Variants in REDIC1 observed in about 807,000 individuals in gnomAD.
REDIC1 encodes the protein regulator of DNA class I crossover intermediates 1, also known as HEI10 Interacting Protein 1.
the REDIC1 span, among the ~76,000 whole-genome samples, chr12:39,775,450 A>G: frequency 6.6e-6 from 1 of 152,228 alleles, no homozygotes; most frequent in African/African-American, 2.4e-5. Context: ...GTCATTGTGA[A>G]GTTAACAGGC....
the REDIC1 span, among the ~76,000 whole-genome samples, chr12:39,657,834 CTTTTAT>C: frequency 6.6e-6 from 1 of 151,806 alleles, no homozygotes; most frequent in East Asian, 1.9e-4. Flanking sequence ...TTTCACAAGT[CTTTTAT>C]TTTTATATTT....
At chr12:39,820,775 A>ATATC in the REDIC1 span, among the ~76,000 whole-genome samples, 1 of 50,378 alleles carries the variant, frequency 2.0e-5, no homozygotes, top group Admixed American at 2.3e-4. Flanking sequence ...ATATATATAT[A>ATATC]TAAAGCAACA....
chr12:39,650,296 GT>G, the REDIC1 span: 16 of 1,611,348 alleles, frequency 9.9e-6, no homozygotes, highest in Non-Finnish European at 1.4e-5. This position sits in a 1 kb window ranked among gnomAD's most constrained non-coding sequence, Gnocchi z 4.3. Context: ...AAGTCAAGAT[GT>G]TTTCAGTCCA....
the REDIC1 span, among the ~76,000 whole-genome samples, chr12:39,824,415 C>G: frequency 9.2e-5 from 14 of 152,198 alleles, no homozygotes; most frequent in African/African-American, 3.1e-4. Flanking sequence ...GGTCAGATGA[C>G]CACCCATCCA....
At chr12:39,836,265 C>T in the REDIC1 span, among the ~76,000 whole-genome samples, 1 of 152,134 alleles carries the variant, frequency 6.6e-6, no homozygotes, top group Non-Finnish European at 1.5e-5. Context: ...GATGTGAGTG[C>T]TGGGGGAACT....
At chr12:39,859,315 AGTT>A in the REDIC1 span, among the ~76,000 whole-genome samples, 1 of 72,108 alleles carries the variant, frequency 1.4e-5, no homozygotes, top group African/African-American at 6.2e-5. Context: ...GAAAGCTGGC[AGTT>A]TTTTTTTTTT....
chr12:39,806,841 GTTAA>G, the REDIC1 span, among the ~76,000 whole-genome samples: 1 of 152,072 alleles, frequency 6.6e-6, no homozygotes, highest in Non-Finnish European at 1.5e-5. Flanking sequence ...CTTTAAGAGG[GTTAA>G]TTGTTAAGAA....
chr12:39,645,490 C>T, the REDIC1 span, among the ~76,000 whole-genome samples: 3 of 152,040 alleles, frequency 2.0e-5, no homozygotes, highest in Admixed American at 2.0e-4. Flanking sequence ...TAACTTTATT[C>T]TCTCAGACTG....
At chr12:39,799,679 C>A in the REDIC1 span, among the ~76,000 whole-genome samples, 1 of 152,116 alleles carries the variant, frequency 6.6e-6, no homozygotes, top group African/African-American at 2.4e-5. Flanking sequence ...AATAGCAATT[C>A]AAATGGTAGA....
the REDIC1 span, among the ~76,000 whole-genome samples, chr12:39,677,828 G>C: frequency 6.6e-6 from 1 of 152,240 alleles, no homozygotes; most frequent in African/African-American, 2.4e-5. Context: ...TAAATAATCT[G>C]CTCCTAAATG....
chr12:39,628,088 T>C, the REDIC1 span, among the ~76,000 whole-genome samples: 5 of 152,164 alleles, frequency 3.3e-5, no homozygotes, highest in African/African-American at 1.2e-4. Flanking sequence ...CTATGTGCCC[T>C]GTGTGCTTTT....
the REDIC1 span, among the ~76,000 whole-genome samples, chr12:39,844,398 A>G: frequency 6.6e-6 from 1 of 152,082 alleles, no homozygotes; most frequent in Non-Finnish European, 1.5e-5. Flanking sequence ...TTTAAAATGT[A>G]ACGATAAAGT....
At chr12:39,682,791 T>C in the REDIC1 span, 5 of 1,613,006 alleles carry the variant, frequency 3.1e-6, no homozygotes, top group Non-Finnish European at 4.2e-6. Context: ...AGTCTACTCC[T>C]AACCTTCTAT....
At chr12:39,796,589 G>A in the REDIC1 span, among the ~76,000 whole-genome samples, 20 of 152,006 alleles carry the variant, frequency 1.3e-4, no homozygotes, top group Admixed American at 1.1e-3. Flanking sequence ...TAGTGAGCTG[G>A]CAGAAGCTAG....
the REDIC1 span, among the ~76,000 whole-genome samples, chr12:39,824,790 GT>G: frequency 6.6e-6 from 1 of 152,104 alleles, no homozygotes; most frequent in Non-Finnish European, 1.5e-5. Context: ...AATAAGCATT[GT>G]TTTCTGGGGC....
chr12:39,646,655 A>G, the REDIC1 span, among the ~76,000 whole-genome samples: 3 of 151,878 alleles, frequency 2.0e-5, no homozygotes, highest in African/African-American at 7.3e-5. Flanking sequence ...GACTTACCTT[A>G]TCATAAAAAT....
At chr12:39,885,273 C>T in the REDIC1 span, among the ~76,000 whole-genome samples, 1 of 152,172 alleles carries the variant, frequency 6.6e-6, no homozygotes. Context: ...ATTCCCTACT[C>T]TCTCAAATGA....
the REDIC1 span, among the ~76,000 whole-genome samples, chr12:39,786,877 G>C: frequency 1.3e-5 from 2 of 152,170 alleles, no homozygotes; most frequent in Non-Finnish European, 2.9e-5. Flanking sequence ...GACTTATTTT[G>C]AGCTAGTTCT....
At chr12:39,646,024 G>A in the REDIC1 span, among the ~76,000 whole-genome samples, 1 of 151,970 alleles carries the variant, frequency 6.6e-6, no homozygotes, top group East Asian at 1.9e-4. Context: ...AATATATATA[G>A]TACTGTGGGA....
Sources: gnomAD v4.1 joint callset for allele counts (sites outside exome capture counted in the v4.1 genomes callset) on GRCh38, gnomAD v4.1.1 for gene constraint, Gnocchi (gnomAD v3.1) non-coding constraint, MANE v1.5 for transcripts, NCBI Gene and HGNC (gene_info 2026-07-23, HGNC 2026-07-21) for gene names.